Variants in XPO7 observed in about 807,000 individuals in gnomAD.
XPO7 encodes the protein exportin-7.
XPO7 carries 21 observed loss-of-function variants against 144.3 expected under a neutral mutation model. The ratio of observed to expected loss-of-function variants is 0.15; its 90% CI spans 0.10 to 0.21. The LOEUF is 0.21. Ranked by LOEUF, XPO7 falls within the 10% of genes least tolerant of loss-of-function variation. The pLI, the probability that XPO7 is intolerant of heterozygous loss-of-function variation, is 1.00. For synonymous variants in XPO7, 580 were observed against 499.6 expected, an observed-to-expected ratio of 1.16 and a Z score of -2.15; for missense variants, 808 against 1,325.8, an observed-to-expected ratio of 0.61 and a Z score of 6.06.
intron 1 of XPO7, among the ~76,000 whole-genome samples, chr8:21,950,015 G>A (rs554860781): frequency 9.2e-5 from 14 of 152,346 alleles, no homozygotes; most frequent in East Asian, 1.9e-4. Context: ...GTGACACACC[G>A]TACTGGGCCC....
intron 1 of XPO7, among the ~76,000 whole-genome samples, chr8:21,927,901 C>T (rs1810514202): frequency 6.6e-6 from 1 of 152,162 alleles, no homozygotes; most frequent in African/African-American, 2.4e-5. Flanking sequence ...AAACAGCACT[C>T]ACAAAAGTGG....
intron 17 of XPO7, 76 bp downstream of exon 17, chr8:21,990,483 G>T: frequency 6.6e-7 from 1 of 1,507,038 alleles, no homozygotes; most frequent in Non-Finnish European, 9.2e-7. Context: ...AAGGAGATAT[G>T]TAAACTGAGG....
chr8:21,926,897 C>T (rs574327738), intron 1 of XPO7, among the ~76,000 whole-genome samples: 2 of 152,282 alleles, frequency 1.3e-5, no homozygotes, highest in African/African-American at 4.8e-5. Flanking sequence ...CCTGCGAGGT[C>T]TTGTCAAAAA....
intron 6 of XPO7, 55 bp downstream of exon 6, chr8:21,974,829 G>C (rs1432600823): frequency 8.0e-6 from 11 of 1,371,064 alleles, no homozygotes; most frequent in Non-Finnish European, 1.1e-5. Context: ...AATGAGAATG[G>C]ATGGGAACTT....
At chr8:21,993,913 GTGTCTCTCTCTCTCTCTCTCTCTCTC>G (rs1812849999) in intron 19 of XPO7, among the ~76,000 whole-genome samples, 1 of 140,642 alleles carries the variant, frequency 7.1e-6, no homozygotes. Context: ...TTTCTTTGCC[GTGTCTCTCTCTCTCTCTCTCTCTCTC>G]TGTCTCTCTC....
chr8:21,942,200 CAG>C lies in XPO7; in HGVS notation c.18+22413_18+22414del, dbSNP rs532798317. On this transcript the variant is annotated intron_variant, in intron 1 of 27. Transcript: ENST00000252512. ...TGTGTTTAAAGTGGTGCAGGACTCTCAGGGGAAGCTTTTCATCATTTGTAGCA... is the reference window on the plus strand; with the variant it reads ...TGTGTTTAAAGTGGTGCAGGACTCTCGGGAAGCTTTTCATCATTTGTAGCA... Among the ~76,000 whole-genome samples, 26 of 152,268 alleles carry C rather than the reference CAG, an allele frequency of 1.7e-4. No individual in the cohort carries two copies. The South Asian group carries it at 3.9e-3, about 23-fold the overall frequency.
chr8:22,004,158 GA>G, intron 27 of XPO7, 128 bp downstream of exon 27: 5 of 1,195,776 alleles, frequency 4.2e-6, no homozygotes, highest in Non-Finnish European at 5.7e-6. Context: ...CAATGCAATA[GA>G]AAAGTGAGCC....
intron 9 of XPO7, among the ~76,000 whole-genome samples, chr8:21,980,740 A>G (rs1030153066): frequency 6.7e-6 from 1 of 150,134 alleles, no homozygotes; most frequent in Non-Finnish European, 1.5e-5. Context: ...ATGCCATTGC[A>G]CTCCAGCTTG....
At chr8:21,922,875 A>G (rs1810334805) in intron 1 of XPO7, among the ~76,000 whole-genome samples, 1 of 152,140 alleles carries the variant, frequency 6.6e-6, no homozygotes, top group Non-Finnish European at 1.5e-5. Context: ...AGAATGTACT[A>G]TTTGCAAAGT....
intron 1 of XPO7, among the ~76,000 whole-genome samples, chr8:21,920,492 G>A (rs901768895): frequency 6.6e-6 from 1 of 152,188 alleles, no homozygotes. Flanking sequence ...CGGGGTGGAG[G>A]GGGGTGTGTC....
chr8:21,961,854 G>A (rs180792484), intron 1 of XPO7, among the ~76,000 whole-genome samples: 1,462 of 146,086 alleles, frequency 0.01, 22 homozygotes, highest in African/African-American at 0.037. Context: ...GTAGAGACGG[G>A]GTTTCATCAC....
At chr8:21,934,681 A>C (rs1186325709) in intron 1 of XPO7, among the ~76,000 whole-genome samples, 1 of 152,244 alleles carries the variant, frequency 6.6e-6, no homozygotes. Flanking sequence ...GATGAACTGT[A>C]AGGAGACATC....
chr8:21,987,780 C>A lies in XPO7; in HGVS notation c.1714-4C>A. On this transcript the variant is annotated splice_polypyrimidine_tract_variant and splice_region_variant and intron_variant, in intron 14 of 27. Coordinates refer to ENST00000252512, the MANE Select transcript of XPO7 (RefSeq NM_015024.5). ...TTCTGGTTACTTTCTCTTCTTAACA[C>A]CAGCTGTACCGCCGACTCTCAGAAG... 1.2e-6 allele frequency: 2 copies of A among 1,613,760 alleles called. No homozygotes were observed. The highest frequency in any genetic ancestry group is 1.7e-6 in the Non-Finnish European group (2 of 1,179,742).
At chr8:21,986,056 G>C (rs1812568400) in intron 13 of XPO7, among the ~76,000 whole-genome samples, 1 of 151,906 alleles carries the variant, frequency 6.6e-6, no homozygotes. Context: ...TGGAATTACA[G>C]AGTTCCTACA....
chr8:21,931,270 C>G (rs1254616968), intron 1 of XPO7, among the ~76,000 whole-genome samples: 5 of 151,848 alleles, frequency 3.3e-5, no homozygotes, highest in Non-Finnish European at 7.4e-5. Flanking sequence ...TCAAGTGATT[C>G]TCCTGCCTCA....
chr8:21,950,047 A>G (rs1196904242), intron 1 of XPO7, among the ~76,000 whole-genome samples: 1 of 152,170 alleles, frequency 6.6e-6, no homozygotes, highest in Non-Finnish European at 1.5e-5. Flanking sequence ...TTTAAAAAGC[A>G]CTTGGCCTTG....
chr8:21,959,465 G>T (rs1811648758), intron 1 of XPO7, among the ~76,000 whole-genome samples: 2 of 152,166 alleles, frequency 1.3e-5, no homozygotes, highest in Admixed American at 6.5e-5. Context: ...GTAGACGGAG[G>T]AGTAGGGATT....
At chr8:21,986,741 T>C (rs1812592222) in intron 13 of XPO7, among the ~76,000 whole-genome samples, 1 of 152,242 alleles carries the variant, frequency 6.6e-6, no homozygotes, top group South Asian at 2.1e-4. Flanking sequence ...TGATGGAGTC[T>C]CATTCACTCA....
chr8:21,931,899 T>A (rs1260819078), intron 1 of XPO7, among the ~76,000 whole-genome samples: 1 of 152,174 alleles, frequency 6.6e-6, no homozygotes, highest in Non-Finnish European at 1.5e-5. Flanking sequence ...TGAGACGAAG[T>A]CTTGCTCTTG....
Sources: gnomAD v4.1 joint callset for allele counts (sites outside exome capture counted in the v4.1 genomes callset) on GRCh38, gnomAD v4.1.1 for gene constraint, MANE v1.5 for transcripts, NCBI Gene and HGNC (gene_info 2026-07-23, HGNC 2026-07-21) for gene names.